The following CCDC73 variants were observed in gnomAD, a reference collection of about 807,000 sequenced individuals.
CCDC73 encodes coiled-coil domain-containing protein 73.
A neutral mutation model predicts 116.5 loss-of-function variants in CCDC73; 95 were observed. The ratio of observed to expected loss-of-function variants is 0.82; its 90% CI spans 0.69 to 0.97. CCDC73 has a LOEUF of 0.97. Ranked by LOEUF, CCDC73 falls within the 50% of genes least tolerant of loss-of-function variation. The pLI, the probability that CCDC73 is intolerant of heterozygous loss-of-function variation, is 0.00. For synonymous variants in CCDC73, 398 were observed against 401.3 expected (o/e 0.99, Z 0.10); for missense variants, 1,066 against 1,206.8 (o/e 0.88, Z 1.73).
intron 13 of CCDC73, among the ~76,000 whole-genome samples, chr11:32,640,217 G>C (rs17328461): frequency 0.23 from 34,713 of 152,098 alleles, 4,256 homozygotes; most frequent in Middle Eastern, 0.28. Context: ...AATCATAATG[G>C]AAGCAAAATG....
intron 8 of CCDC73, 95 bp from the exon 9 acceptor site, chr11:32,675,739 A>G (rs1303985080): frequency 1.7e-5 from 21 of 1,210,016 alleles, no homozygotes; most frequent in Admixed American, 4.6e-5. Flanking sequence ...TAACAATGCA[A>G]TATATATGTT....
chr11:32,714,852 A>C (rs531454853), intron 3 of CCDC73, among the ~76,000 whole-genome samples: 3 of 152,286 alleles, frequency 2.0e-5, no homozygotes, highest in African/African-American at 7.2e-5. Flanking sequence ...TAACATTTCA[A>C]ATCACCTGAA....
rs756954314 is a variant in CCDC73 at position 32,614,836 on chromosome 11, T to C, written c.1482A>G (p.Lys494=). 3 of 1,613,086 alleles carry C rather than the reference T, an allele frequency of 1.9e-6. No homozygotes were observed. In the South Asian group the frequency reaches 3.3e-5, roughly 18 times the overall value. The change falls in exon 16 of 18, where the codon AAA becomes AAG. Residue 494 remains lysine (K), a synonymous_variant. Transcript: ENST00000335185. ...ISLSKTLSLD[K]EVISQGQTSN... is the part of the protein sequence containing the mutation. ...AGGTTTGTCCTTGACTAATTACTTC[T>C]TTATCTAAGGAGAGGGTTTTGCTTA...
At chr11:32,824,086 G>T in the CCDC73 span, among the ~76,000 whole-genome samples, 2 of 152,132 alleles carry the variant, frequency 1.3e-5, no homozygotes, top group East Asian at 3.9e-4. Context: ...GTGGAGACGG[G>T]GTTTCACCAT....
intron 1 of CCDC73, among the ~76,000 whole-genome samples, chr11:32,763,773 T>C (rs1488467926): frequency 1.3e-5 from 2 of 152,198 alleles, no homozygotes; most frequent in African/African-American, 4.8e-5. Flanking sequence ...AGAATGACTT[T>C]GACGATTTGA....
chr11:32,725,048 A>G (rs765842280), intron 2 of CCDC73, among the ~76,000 whole-genome samples: 6 of 152,164 alleles, frequency 3.9e-5, no homozygotes, highest in Non-Finnish European at 8.8e-5. Flanking sequence ...AAAATGAATA[A>G]TATCCCCTTA....
intron 1 of CCDC73, among the ~76,000 whole-genome samples, chr11:32,784,512 C>G (rs1365594925): frequency 6.6e-6 from 1 of 152,046 alleles, no homozygotes; most frequent in African/African-American, 2.4e-5. Context: ...GAAGTTAGAG[C>G]AAAAGACAAA....
intron 3 of CCDC73, among the ~76,000 whole-genome samples, chr11:32,710,255 G>T (rs902455791): frequency 6.6e-6 from 1 of 152,064 alleles, no homozygotes; most frequent in Non-Finnish European, 1.5e-5. Context: ...TGTTTCTCCA[G>T]TTCTGTGAGG....
chr11:32,787,160 G>A (rs181539646), intron 1 of CCDC73, among the ~76,000 whole-genome samples: 1 of 152,278 alleles, frequency 6.6e-6, no homozygotes, highest in East Asian at 1.9e-4. Context: ...CAGCAACAAA[G>A]TGATGTGTAT....
chr11:32,785,231 G>T (rs959230292), intron 1 of CCDC73, among the ~76,000 whole-genome samples: 28 of 152,068 alleles, frequency 1.8e-4, no homozygotes, highest in African/African-American at 6.5e-4. Flanking sequence ...CTCACATATG[G>T]TAAGTTTTAT....
chr11:32,822,354 T>C, the CCDC73 span, among the ~76,000 whole-genome samples: 1 of 152,222 alleles, frequency 6.6e-6, no homozygotes, highest in Non-Finnish European at 1.5e-5. Flanking sequence ...ATCTGTAGCA[T>C]GTTGATGACA....
intron 2 of CCDC73, chr11:32,758,336 C>G (rs1045421161): frequency 4.0e-6 from 2 of 504,276 alleles, no homozygotes; most frequent in African/African-American, 3.9e-5. Flanking sequence ...CTAGGCTGTC[C>G]CAAACCCCTG....
At chr11:32,624,509 T>C (rs1397816813) in intron 14 of CCDC73, among the ~76,000 whole-genome samples, 1 of 152,210 alleles carries the variant, frequency 6.6e-6, no homozygotes, top group African/African-American at 2.4e-5. Flanking sequence ...CACGTCCTAG[T>C]CACACAATGG....
intron 6 of CCDC73, among the ~76,000 whole-genome samples, chr11:32,691,391 G>A (rs11031935): frequency 6.6e-6 from 1 of 151,984 alleles, no homozygotes; most frequent in African/African-American, 2.4e-5. Context: ...GCCTTTCCCA[G>A]AATGTCATAT....
intron 2 of CCDC73, among the ~76,000 whole-genome samples, chr11:32,745,902 G>A (rs1389820628): frequency 1.3e-5 from 2 of 151,960 alleles, no homozygotes; most frequent in African/African-American, 2.4e-5. Flanking sequence ...GTGTCTTTTA[G>A]TTTGGGCATT....
chr11:32,736,771 T>C (rs928384099), intron 2 of CCDC73, among the ~76,000 whole-genome samples: 3 of 151,838 alleles, frequency 2.0e-5, no homozygotes, highest in African/African-American at 7.3e-5. Context: ...CAGATGTCCA[T>C]CAATGATAGA....
intron 4 of CCDC73, among the ~76,000 whole-genome samples, chr11:32,701,816 T>C (rs7945988): frequency 0.27 from 41,230 of 152,094 alleles, 6,470 homozygotes; most frequent in East Asian, 0.79. Flanking sequence ...AATGAAATTT[T>C]TCTTTGGAAC....
Position 32,675,946 on chromosome 11 carries a change from CATA to C in CCDC73, c.502_504del (p.Tyr168del). The C allele has an allele frequency of 1.2e-6, 2 of 1,609,010 alleles. No individual in the cohort carries two copies. The highest frequency in any genetic ancestry group is 8.5e-7 in the Non-Finnish European group (1 of 1,178,028). ...AATCCAAATTGACCTGTTATTGTGG[CATA>C]ATATTTCTCAATTTCACTCAGTTGC... On this transcript the variant is annotated inframe_deletion, in exon 8 of 18. Transcript: ENST00000335185.
rs1855461013 is a variant in CCDC73, at chr11:32,614,892, AAAC to A, written c.1423_1425del (p.Val475del). On this transcript the variant is annotated inframe_deletion, in exon 16 of 18. Coordinates refer to ENST00000335185, the MANE Select transcript of CCDC73 (RefSeq NM_001008391.4). ...ATTTCACTTTGATTTTCATCCTGAG[AAAC>A]AACAGTATCAATTTCATTCTTGAAG... The A allele has an allele frequency of 1.4e-5, 22 of 1,611,086 alleles. No individual in the cohort carries two copies. Among genetic ancestry groups the A allele is most frequent in the Non-Finnish European group, 1.9e-5 (22 of 1,179,214 alleles).
Sources: allele counts gnomAD v4.1 joint callset (sites outside exome capture counted in the v4.1 genomes callset), GRCh38; gene constraint gnomAD v4.1.1; transcripts MANE v1.5; gene names NCBI Gene and HGNC (gene_info 2026-07-23, HGNC 2026-07-21).